Variants in CHST11 observed in about 807,000 individuals in gnomAD.
The protein encoded by CHST11 is C4S-1.
CHST11 carries 9 observed loss-of-function variants against 30.4 expected under a neutral mutation model. The observed-to-expected ratio is 0.30, with a 90% CI of 0.18 to 0.52. CHST11 has a LOEUF of 0.52. Ranked by LOEUF, CHST11 falls within the 20% of genes least tolerant of loss-of-function variation. CHST11 has a pLI of 0.97. For synonymous variants in CHST11, 152 were observed against 187.8 expected (o/e 0.81, Z 1.56); for missense variants, 348 against 460.6 (o/e 0.76, Z 2.24).
At position 104,702,650 on chromosome 12, in the gene CHST11, G is replaced by A. The variant is rs549228673; in HGVS notation, c.205-54299G>A. ...GTCCCAGTGGTTGAGCGACTCCCCC[G>A]CACTGGGGCAAATCATCTCTCCCTC... On this transcript the variant is annotated intron_variant, in intron 2 of 2. Coordinates refer to ENST00000303694, the MANE Select transcript of CHST11 (RefSeq NM_018413.6). Among the ~76,000 whole-genome samples the A allele has an allele frequency of 2.2e-3, 334 of 152,182 alleles. 1 individual carries two copies. The highest frequency in any genetic ancestry group is 7.3e-3 in the African/African-American group (303 of 41,516).
chr12:104,588,515 C>T (rs979283490), intron 1 of CHST11, among the ~76,000 whole-genome samples: 1 of 152,218 alleles, frequency 6.6e-6, no homozygotes, highest in African/African-American at 2.4e-5. Flanking sequence ...CAGACTGGCT[C>T]ATTCCAATGT....
rs527522294 is a variant in CHST11, at chr12:104,545,980, G to A, written c.119-55926G>A. Among the ~76,000 whole-genome samples the A allele has an allele frequency of 2.4e-4, 37 of 152,108 alleles. 3 individuals are homozygous for A. The South Asian group carries it at 3.9e-3, about 16-fold the overall frequency. The stretch of plus-strand genomic sequence containing the variant: ...CATCCTCTAGGGTCTGTTTTATAAA[G>A]GCATCAATCCCACTTATGAGGGCTC... On this transcript the variant is annotated intron_variant, in intron 1 of 2. Coordinates refer to ENST00000303694, the MANE Select transcript of CHST11 (RefSeq NM_018413.6).
At chr12:104,543,578 C>T (rs1301668308) in intron 1 of CHST11, among the ~76,000 whole-genome samples, 4 of 152,246 alleles carry the variant, frequency 2.6e-5, no homozygotes, top group East Asian at 1.9e-4. Flanking sequence ...TCCCTGGACT[C>T]GGCTCAGAGT....
intron 2 of CHST11, among the ~76,000 whole-genome samples, chr12:104,661,143 T>C (rs2039594277): frequency 6.6e-6 from 1 of 152,204 alleles, no homozygotes; most frequent in African/African-American, 2.4e-5. Flanking sequence ...AAGTGACAAC[T>C]TCTCCGAGAC....
rs558714515 is a variant in CHST11, at chr12:104,485,484, G to A, written c.118+27955G>A. On this transcript the variant is annotated intron_variant, in intron 1 of 2. Transcript: ENST00000303694. ...GCTGCAGATCCTAAGAAGGATCCAC[G>A]ACCTTTGGGAACCTCGCTGTTTCTG... is the stretch of plus-strand genomic sequence containing the variant. Among the ~76,000 whole-genome samples the A allele has an allele frequency of 3.3e-5, 5 of 152,328 alleles. No individual in the cohort carries two copies. The South Asian group carries it at 6.2e-4, about 19-fold the overall frequency.
intron 2 of CHST11, among the ~76,000 whole-genome samples, chr12:104,615,488 G>A (rs2039100006): frequency 6.6e-6 from 1 of 152,206 alleles, no homozygotes; most frequent in South Asian, 2.1e-4. Flanking sequence ...AATGTCTGAG[G>A]CCACACAGCC....
chr12:104,496,930 G>T (rs866266347), intron 1 of CHST11, among the ~76,000 whole-genome samples: 2 of 152,100 alleles, frequency 1.3e-5, no homozygotes, highest in South Asian at 4.1e-4. Context: ...ATGGGCTCAG[G>T]CCTACCTCTG....
intron 1 of CHST11, among the ~76,000 whole-genome samples, chr12:104,469,486 A>G (rs12581080): frequency 0.011 from 1,614 of 152,326 alleles, 45 homozygotes; most frequent in East Asian, 0.1. Flanking sequence ...AAAAGCAGTC[A>G]TTTCAGAAAA....
intron 1 of CHST11, among the ~76,000 whole-genome samples, chr12:104,582,698 T>A (rs2038758809): frequency 6.6e-6 from 1 of 152,082 alleles, no homozygotes; most frequent in South Asian, 2.1e-4. Context: ...CAAGAACCTC[T>A]CTGCACTTGT....
At chr12:104,627,265 A>C (rs887241689) in intron 2 of CHST11, among the ~76,000 whole-genome samples, 1 of 152,116 alleles carries the variant, frequency 6.6e-6, no homozygotes, top group Non-Finnish European at 1.5e-5. Flanking sequence ...GGTTGCTTCC[A>C]AGTTTTGGCA....
At chr12:104,745,176 T>C (rs1479456655) in intron 2 of CHST11, among the ~76,000 whole-genome samples, 1 of 152,166 alleles carries the variant, frequency 6.6e-6, no homozygotes, top group African/African-American at 2.4e-5. Flanking sequence ...GCCCGGCCCC[T>C]AGCACCATTT....
chr12:104,720,608 G>T (rs1447705043), intron 2 of CHST11, among the ~76,000 whole-genome samples: 1 of 152,204 alleles, frequency 6.6e-6, no homozygotes, highest in Admixed American at 6.5e-5. Flanking sequence ...ATTTCAAACA[G>T]TGTGACGTGC....
At chr12:104,459,652 C>G (rs763432391) in intron 1 of CHST11, among the ~76,000 whole-genome samples, 4 of 152,190 alleles carry the variant, frequency 2.6e-5, no homozygotes, top group Non-Finnish European at 5.9e-5. Context: ...CCTTGTTAGT[C>G]TTAAGTTGAC....
intron 2 of CHST11, among the ~76,000 whole-genome samples, chr12:104,712,156 C>G (rs1031294445): frequency 1.1e-4 from 16 of 152,230 alleles, no homozygotes; most frequent in Non-Finnish European, 1.0e-4. Context: ...GCATTTGACA[C>G]CAACTGTACC....
chr12:104,678,678 A>G (rs1019147937), intron 2 of CHST11, among the ~76,000 whole-genome samples: 1 of 152,134 alleles, frequency 6.6e-6, no homozygotes, highest in Non-Finnish European at 1.5e-5. Context: ...CTATTTCTTC[A>G]TGCTTGTTAA....
chr12:104,556,855 C>T (rs943966730), intron 1 of CHST11, among the ~76,000 whole-genome samples: 1 of 152,060 alleles, frequency 6.6e-6, no homozygotes, highest in Admixed American at 6.6e-5. Flanking sequence ...GTGTCATGCA[C>T]CTGTAGTCCC....
intron 2 of CHST11, among the ~76,000 whole-genome samples, chr12:104,617,812 G>C (rs539528762): frequency 6.6e-6 from 1 of 152,108 alleles, no homozygotes; most frequent in African/African-American, 2.4e-5. Flanking sequence ...CTAGCTCTTT[G>C]GATTATTTTG....
At chr12:104,520,366 TA>T (rs2038063319) in intron 1 of CHST11, among the ~76,000 whole-genome samples, 1 of 152,212 alleles carries the variant, frequency 6.6e-6, no homozygotes, top group Non-Finnish European at 1.5e-5. Context: ...GCAGTAGGAC[TA>T]ATGGTTAGTG....
intron 2 of CHST11, among the ~76,000 whole-genome samples, chr12:104,647,188 G>A (rs868867890): frequency 3.7e-4 from 56 of 152,166 alleles, no homozygotes; most frequent in African/African-American, 1.3e-3. Flanking sequence ...TTACCTCCAC[G>A]ATTCTCTGGT....
Sources: gnomAD v4.1 joint callset for allele counts (sites outside exome capture counted in the v4.1 genomes callset) on GRCh38, gnomAD v4.1.1 for gene constraint, MANE v1.5 for transcripts, NCBI Gene and HGNC (gene_info 2026-07-23, HGNC 2026-07-21) for gene names.